The following HSD17B10 variants were observed in gnomAD, a reference collection of about 807,000 sequenced individuals.
HSD17B10 encodes the protein hydroxysteroid 17-beta dehydrogenase 10.
For synonymous variants in HSD17B10, 90 were observed against 85.9 expected (o/e 1.05, Z -0.26); for missense variants, 87 against 219.4 (o/e 0.40, Z 3.81).
intron 2 of HSD17B10, among the ~76,000 whole-genome samples, chrX:53,433,281 C>T (rs1278306938): frequency 8.9e-6 from 1 of 111,757 alleles, no homozygotes; most frequent in Non-Finnish European, 1.9e-5. Flanking sequence ...GGCAACAGAG[C>T]GAGACTCCAT....
chrX:53,432,566 T>C (rs1417353425), intron 2 of HSD17B10, among the ~76,000 whole-genome samples, 155 bp from the exon 3 acceptor site: 1 of 112,095 alleles, frequency 8.9e-6, no homozygotes, highest in Non-Finnish European at 1.9e-5. Context: ...ACTTGAGAGA[T>C]AGGCTGGGTG....
rs879979069 is a variant in HSD17B10 at position 53,432,244 on chromosome X, T to C, written c.357+3A>G. On this transcript the variant is annotated splice_donor_region_variant and intron_variant, in intron 3 of 5. Coordinates refer to ENST00000168216, the MANE Select transcript of HSD17B10 (RefSeq NM_004493.3). ...TATCCCTGGAGAACTTCCAAGGCCTTACATCAAGAACTCGCTGGAAGTCTT... is the reference window on the plus strand; with the variant it reads ...TATCCCTGGAGAACTTCCAAGGCCTCACATCAAGAACTCGCTGGAAGTCTT... 3 of 1,209,372 alleles carry C rather than the reference T, an allele frequency of 2.5e-6. No homozygotes were observed. In the Admixed American group the frequency reaches 6.6e-5, roughly 26 times the overall value.
At chrX:53,433,120 C>T (rs782545678) in intron 2 of HSD17B10, 107 of 115,017 alleles carry the variant, frequency 9.3e-4, no homozygotes, top group Non-Finnish European at 1.6e-3. Flanking sequence ...GAAACCCCAT[C>T]TCTTCTAAAA....
At position 53,434,080 on chromosome X, in the gene HSD17B10, C is replaced by G. The variant is rs1189630893; in HGVS notation, c.28-194G>C. On this transcript the variant is annotated intron_variant, in intron 1 of 5. Transcript: ENST00000168216. ...GGGCAGAAGGGATCTCATCCCCAGA[C>G]AGCCCGTCCCGTGACGATAGATAGA... 2.0e-5 allele frequency: 11 copies of G among 560,505 alleles called. No homozygotes were observed. The African/African-American group carries it at 2.0e-4, about 10-fold the overall frequency. The allele number at this position is 560,505 out of a possible 1,213,427, so 46.2% of individuals were successfully genotyped here. A position where few individuals can be genotyped will look rare whatever the true frequency, so the allele number is the denominator to read the frequency against.
In HSD17B10 at chrX:53,434,175, C is replaced by G. The variant is rs782392872; in HGVS notation, c.27+144G>C. 5.9e-4 allele frequency: 411 copies of G among 690,884 alleles called. 1 individual carries two copies. The highest frequency in any genetic ancestry group is 1.2e-3 in the Middle Eastern group (4 of 3,472). 56.9% of individuals were successfully genotyped at this position (690,884 alleles called of 1,213,427 possible). On this transcript the variant is annotated intron_variant, in intron 1 of 5. Coordinates refer to ENST00000168216, the MANE Select transcript of HSD17B10 (RefSeq NM_004493.3). ...AGATGCGCCGCGGAGTGCTGACTTTCACCTCTTGAGCCCAACGGCCACAAT... is the reference window on the plus strand; with the variant it reads ...AGATGCGCCGCGGAGTGCTGACTTTGACCTCTTGAGCCCAACGGCCACAAT...
chrX:53,434,129 TAGACAGACAGAC>T, intron 1 of HSD17B10, 178 bp downstream of exon 1: 1 of 567,402 alleles, frequency 1.8e-6, no homozygotes, highest in Non-Finnish European at 3.0e-6. Context: ...GATAGATAGA[TAGACAGACAGAC>T]AGACAGACAG....
intron 2 of HSD17B10, 68 bp from the exon 3 acceptor site, chrX:53,432,479 G>A: frequency 1.1e-6 from 1 of 884,582 alleles, no homozygotes; most frequent in Non-Finnish European, 1.6e-6. Flanking sequence ...ACCTGAGGGA[G>A]GGCAGGGCAG....
In HSD17B10 at chrX:53,431,355, C is replaced by G. The variant is rs782222680; in HGVS notation, c.*49G>C. The G allele has an allele frequency of 8.9e-7, 1 of 1,128,474 alleles. No individual in the cohort carries two copies. Among genetic ancestry groups the G allele is most frequent in the African/African-American group, 1.8e-5 (1 of 56,185 alleles). 93.0% of individuals were successfully genotyped at this position (1,128,474 alleles called of 1,213,427 possible). On this transcript the variant is annotated 3_prime_UTR_variant, in exon 6 of 6. Transcript: ENST00000168216. ...TCCTCCCAAGCTGGAGAGTAGTACC[C>G]CAGGGAAAGGAAGGGCAGAGGAGCG...
Position 53,432,247 on chromosome X carries a change from A to G in HSD17B10, c.357T>C (p.Asp119=), listed in dbSNP as rs1431860249. 4.1e-6 allele frequency: 5 copies of G among 1,209,448 alleles called. No individual in the cohort carries two copies. The highest frequency in any genetic ancestry group is 5.6e-6 in the Non-Finnish European group (5 of 894,037). The part of the protein sequence containing the change: ...HTLEDFQRVL[D]VNLMGTFNVI... ...CCCTGGAGAACTTCCAAGGCCTTACATCAAGAACTCGCTGGAAGTCTTCCA... is the reference window on the plus strand; with the variant it reads ...CCCTGGAGAACTTCCAAGGCCTTACGTCAAGAACTCGCTGGAAGTCTTCCA... The change falls in exon 3 of 6, where the codon GAT becomes GAC. Residue 119 remains aspartate (D), a splice_region_variant and synonymous_variant. Transcript: ENST00000168216.
At chrX:53,434,129 TAGACAGAC>T (rs782178653) in intron 1 of HSD17B10, 182 bp downstream of exon 1, 15 of 565,881 alleles carry the variant, frequency 2.7e-5, no homozygotes, top group South Asian at 9.8e-5. Flanking sequence ...GATAGATAGA[TAGACAGAC>T]AGACAGACAG....
chrX:53,433,899 A>G lies in HSD17B10; in HGVS notation c.28-13T>C, dbSNP rs1156929114. The G allele has an allele frequency of 8.3e-7, 1 of 1,208,307 alleles. No individual in the cohort carries two copies. Among genetic ancestry groups the G allele is most frequent in the Non-Finnish European group, 1.1e-6 (1 of 893,487 alleles). On this transcript the variant is annotated splice_polypyrimidine_tract_variant and intron_variant, in intron 1 of 5. Transcript: ENST00000168216. ...CCGCCACCAGGCCCTGTCAAAAGGGACATGGTCAGGGTCAGCTGTTACATT... is the reference window on the plus strand; with the variant it reads ...CCGCCACCAGGCCCTGTCAAAAGGGGCATGGTCAGGGTCAGCTGTTACATT...
chrX:53,434,055 G>A (rs2075835435), intron 1 of HSD17B10, 169 bp from the exon 2 acceptor site: 1 of 601,953 alleles, frequency 1.7e-6, no homozygotes, highest in South Asian at 2.6e-5. Flanking sequence ...GGGACCTCGG[G>A]GGCAGAAGGG....
At chrX:53,431,963 A>T (rs370838884) in intron 4 of HSD17B10, 25 bp downstream of exon 4, 3 of 1,211,292 alleles carry the variant, frequency 2.5e-6, no homozygotes, top group Non-Finnish European at 3.4e-6. Context: ...CTTAGGAGGC[A>T]TAAGTCTTAC....
intron 5 of HSD17B10, 45 bp downstream of exon 5, chrX:53,431,753 A>G (rs782282260): frequency 1.2e-5 from 13 of 1,095,226 alleles, no homozygotes; most frequent in Middle Eastern, 5.0e-4. Context: ...CTGTCCATGG[A>G]TCCCACCCAA....
intron 1 of HSD17B10, 124 bp from the exon 2 acceptor site, chrX:53,434,010 C>T (rs1344820288): frequency 1.3e-6 from 1 of 796,214 alleles, no homozygotes; most frequent in Non-Finnish European, 1.8e-6. Context: ...GTCACCCCTG[C>T]GGGTAAACTA....
rs782309721 is a variant in HSD17B10 at position 53,432,057 on chromosome X, A to G, written c.417T>C (p.Asn139=). The change falls in exon 4 of 6, where the codon AAT becomes AAC. Residue 139 remains asparagine (N), a synonymous_variant. Transcript: ENST00000168216. ...IRLVAGEMGQ[N]EPDQGGQRGV... ...CACGTTGGCCTCCCTGGTCTGGTTC[A>G]TTCTGGCCCATCTCACCAGCCACCA... is the stretch of plus-strand genomic sequence containing the variant. The G allele has an allele frequency of 8.3e-7, 1 of 1,209,675 alleles. No homozygotes were observed. The highest frequency in any genetic ancestry group is 3.0e-5 in the East Asian group (1 of 33,761).
intron 1 of HSD17B10, 169 bp from the exon 2 acceptor site, chrX:53,434,055 G>T (rs2075835435): frequency 3.3e-6 from 2 of 601,953 alleles, no homozygotes; most frequent in East Asian, 7.1e-5. Context: ...GGGACCTCGG[G>T]GGCAGAAGGG....
intron 2 of HSD17B10, among the ~76,000 whole-genome samples, chrX:53,433,244 G>A (rs1556894812): frequency 8.9e-6 from 1 of 112,050 alleles, no homozygotes; most frequent in African/African-American, 3.2e-5. Flanking sequence ...GCAAGGAGCT[G>A]AGATTGTGCC....
rs782466620 is a variant in HSD17B10, at chrX:53,432,409, C to T, written c.195G>A (p.Val65=). The change falls in exon 3 of 6, where the codon GTG becomes GTA. Residue 65 remains valine (V), a splice_region_variant and synonymous_variant. Transcript: ENST00000168216. The stretch of plus-strand genomic sequence containing the variant: ...CTGTTTGCACATCCTTCTCAGAGGT[C>T]ACCTTCAAAGAGAGAAGTGGAGAAG... ...GNNCVFAPAD[V]TSEKDVQTAL... The T allele has an allele frequency of 5.8e-6, 7 of 1,203,427 alleles. No homozygotes were observed. The East Asian group carries it at 1.2e-4, about 20-fold the overall frequency.
Sources: allele counts gnomAD v4.1 joint callset (sites outside exome capture counted in the v4.1 genomes callset), GRCh38; gene constraint gnomAD v4.1.1; transcripts MANE v1.5; gene names NCBI Gene and HGNC (gene_info 2026-07-23, HGNC 2026-07-21).